The following EXOC4 variants were observed in gnomAD, a reference collection of about 807,000 sequenced individuals.
The protein encoded by EXOC4 is exocyst complex component 4.
Under a neutral mutation model 107.2 loss-of-function variants are expected in EXOC4, and 71 were observed. That is an observed-to-expected ratio of 0.66 (90% confidence interval 0.55 to 0.81). EXOC4 has a LOEUF of 0.81. EXOC4 is among the 30% of genes least tolerant of loss of function. The pLI, the probability that EXOC4 is intolerant of heterozygous loss-of-function variation, is 0.00. For missense variants in EXOC4, 1,108 were observed against 1,189.6 expected, an observed-to-expected ratio of 0.93 and a Z score of 1.01; for synonymous variants, 456 against 441.2, an observed-to-expected ratio of 1.03 and a Z score of -0.42.
At chr7:133,384,673 GT>G (rs1422285174) in intron 7 of EXOC4, among the ~76,000 whole-genome samples, 1 of 149,012 alleles carries the variant, frequency 6.7e-6, no homozygotes, top group African/African-American at 2.5e-5. Context: ...ACTTGAGAAG[GT>G]TTTAGAGCAA....
intron 9 of EXOC4, among the ~76,000 whole-genome samples, chr7:133,496,409 C>G (rs1799477896): frequency 6.6e-6 from 1 of 152,136 alleles, no homozygotes. Context: ...TCAAACAGTC[C>G]TCCTGCCTCA....
intron 6 of EXOC4, among the ~76,000 whole-genome samples, chr7:133,360,269 A>G (rs1184184072): frequency 1.3e-5 from 2 of 152,256 alleles, no homozygotes; most frequent in Non-Finnish European, 2.9e-5. Flanking sequence ...TAAGAAAAGC[A>G]TAAGGAAGAG....
At chr7:133,607,302 G>C (rs1052496801) in intron 9 of EXOC4, among the ~76,000 whole-genome samples, 3 of 152,330 alleles carry the variant, frequency 2.0e-5, no homozygotes. Context: ...GGAAAATTGA[G>C]CCTCAACCTT....
intron 17 of EXOC4, among the ~76,000 whole-genome samples, chr7:134,016,356 C>A (rs1002654983): frequency 6.6e-6 from 1 of 152,084 alleles, no homozygotes; most frequent in African/African-American, 2.4e-5. Context: ...CCCAAAAGGG[C>A]ATGAGAAGGA....
intron 4 of EXOC4, among the ~76,000 whole-genome samples, chr7:133,311,214 T>A (rs1225004484): frequency 6.6e-6 from 1 of 152,122 alleles, no homozygotes; most frequent in Non-Finnish European, 1.5e-5. Flanking sequence ...GTAAGAATTG[T>A]TTAAAAGAAT....
chr7:133,925,633 C>A (rs189852971), intron 13 of EXOC4, among the ~76,000 whole-genome samples: 1 of 152,250 alleles, frequency 6.6e-6, no homozygotes, highest in Admixed American at 6.5e-5. Flanking sequence ...AGAATCAGTT[C>A]TCTGGAGCCT....
At chr7:133,915,284 G>T (rs771061411) in intron 12 of EXOC4, among the ~76,000 whole-genome samples, 1 of 152,008 alleles carries the variant, frequency 6.6e-6, no homozygotes, top group Non-Finnish European at 1.5e-5. Context: ...AATAACAGAG[G>T]ATTAGGGAAT....
intron 5 of EXOC4, among the ~76,000 whole-genome samples, chr7:133,354,347 G>A (rs1473121525): frequency 2.2e-4 from 33 of 152,218 alleles, no homozygotes; most frequent in East Asian, 1.9e-4. Flanking sequence ...TGTAGTCAGT[G>A]TCTATCCTAA....
chr7:133,773,448 G>A (rs919320827), intron 10 of EXOC4, among the ~76,000 whole-genome samples: 9 of 148,644 alleles, frequency 6.1e-5, no homozygotes, highest in Admixed American at 6.0e-4. Context: ...CTGTTAATCT[G>A]TGTATTTACT....
chr7:133,556,270 G>C (rs895729124), intron 9 of EXOC4, among the ~76,000 whole-genome samples: 4 of 152,146 alleles, frequency 2.6e-5, no homozygotes, highest in Non-Finnish European at 5.9e-5. Flanking sequence ...CAAGTTAATG[G>C]CTTGTATTTC....
At chr7:133,270,039 G>T (rs1692449132) in intron 1 of EXOC4, among the ~76,000 whole-genome samples, 1 of 152,164 alleles carries the variant, frequency 6.6e-6, no homozygotes, top group African/African-American at 2.4e-5. Context: ...AGTAGGAGGT[G>T]ATTGAATTAT....
At chr7:133,677,029 T>C (rs1291646880) in intron 10 of EXOC4, among the ~76,000 whole-genome samples, 1 of 151,430 alleles carries the variant, frequency 6.6e-6, no homozygotes, top group East Asian at 1.9e-4. Context: ...GCCTCCTTTA[T>C]TCTGACAGTC....
the EXOC4 span, among the ~76,000 whole-genome samples, chr7:134,085,335 A>C: frequency 0.041 from 6,030 of 148,362 alleles, 367 homozygotes; most frequent in African/African-American, 0.14. Context: ...AAAACAACAA[A>C]AAAAAAAAAA....
At chr7:133,447,468 G>A (rs913660394) in intron 7 of EXOC4, 1 of 151,974 alleles carries the variant, frequency 6.6e-6, no homozygotes, top group Non-Finnish European at 1.5e-5. Flanking sequence ...AATGAAAGAG[G>A]AGATTTAACT....
intron 10 of EXOC4, among the ~76,000 whole-genome samples, chr7:133,742,686 TG>T (rs1795591217): frequency 6.6e-6 from 1 of 152,188 alleles, no homozygotes; most frequent in South Asian, 2.1e-4. Context: ...CGATAGCTCA[TG>T]CAATATTGCT....
intron 1 of EXOC4, 53 bp downstream of exon 1, chr7:133,253,240 C>T (rs1794932762): frequency 1.3e-6 from 2 of 1,590,656 alleles, no homozygotes; most frequent in Non-Finnish European, 1.7e-6. Flanking sequence ...GCTCGACCTC[C>T]GCTTTGGAAG....
chr7:133,289,466 A>G (rs550891631), intron 3 of EXOC4, among the ~76,000 whole-genome samples: 24 of 152,350 alleles, frequency 1.6e-4, no homozygotes, highest in Non-Finnish European at 2.5e-4. Flanking sequence ...GAACTTCTGA[A>G]GATTTATAGA....
In EXOC4 at chr7:133,319,727, G is replaced by A. The variant is rs1027342800; in HGVS notation, c.763+2337G>A. ...AACTCCTGACCTCAGGTAATTGTCC[G>A]CCTTGGCCTCCCAAAGTGTTTGGAT... On this transcript the variant is annotated intron_variant, in intron 5 of 17. Transcript: ENST00000253861. 2.6e-4 allele frequency among the ~76,000 whole-genome samples: 39 copies of A among 151,922 alleles called. 1 individual carries two copies. The highest frequency in any genetic ancestry group is 1.9e-4 in the East Asian group (1 of 5,146).
intron 14 of EXOC4, among the ~76,000 whole-genome samples, chr7:133,945,433 G>A (rs2116764227): frequency 6.6e-6 from 1 of 152,328 alleles, no homozygotes; most frequent in Admixed American, 6.5e-5. Context: ...ATTTTACAGA[G>A]AAGAACTGTA....
Sources: allele counts gnomAD v4.1 joint callset (sites outside exome capture counted in the v4.1 genomes callset), GRCh38; gene constraint gnomAD v4.1.1; transcripts MANE v1.5; gene names NCBI Gene and HGNC (gene_info 2026-07-23, HGNC 2026-07-21).